Variants in FAM241A observed in about 807,000 individuals in gnomAD.
The protein encoded by FAM241A is family with sequence similarity 241 member A.
A neutral mutation model predicts 12.2 loss-of-function variants in FAM241A; 7 were observed. That is an observed-to-expected ratio of 0.58 (90% CI 0.33 to 1.08). The LOEUF (loss-of-function observed/expected upper bound fraction) is 1.08, where lower values mean the gene tolerates loss of function less well. FAM241A is among the 50% of genes least tolerant of loss of function. The pLI, the probability that FAM241A is intolerant of heterozygous loss-of-function variation, is 0.04. For synonymous variants in FAM241A, 74 were observed against 68.2 expected, an observed-to-expected ratio of 1.08 and a Z score of -0.42; for missense variants, 161 against 169.7, an observed-to-expected ratio of 0.95 and a Z score of 0.29.
At position 112,190,264 on chromosome 4, in the gene FAM241A, A is replaced by T. The variant is rs1158510321; in HGVS notation, c.*3326A>T. On this transcript the variant is annotated 3_prime_UTR_variant, in exon 2 of 2. Transcript: ENST00000309733. The stretch of plus-strand genomic sequence containing the variant: ...AGTCAAAGCCAGGTTTGGAGCAATC[A>T]AAGGCTATTCGTGTGGTTCATAGAT... The T allele has an allele frequency of 6.6e-6, 1 of 152,244 alleles. No individual in the cohort carries two copies. Among genetic ancestry groups the T allele is most frequent in the Non-Finnish European group, 1.5e-5 (1 of 68,038 alleles). 9.4% of individuals were successfully genotyped at this position (152,244 alleles called of 1,614,324 possible).
intron 1 of FAM241A, among the ~76,000 whole-genome samples, chr4:112,149,484 G>A (rs1354068257): frequency 3.3e-5 from 5 of 152,096 alleles, no homozygotes; most frequent in African/African-American, 1.2e-4. Flanking sequence ...TTTATAAATC[G>A]TGCTGTCTGA....
intron 1 of FAM241A, among the ~76,000 whole-genome samples, chr4:112,168,141 A>G (rs1329575870): frequency 2.6e-5 from 4 of 152,234 alleles, no homozygotes; most frequent in South Asian, 2.1e-4. Flanking sequence ...CCATTCACCT[A>G]AAGTTAAAAC....
At chr4:112,152,542 C>A (rs1015189596) in intron 1 of FAM241A, among the ~76,000 whole-genome samples, 5 of 152,182 alleles carry the variant, frequency 3.3e-5, no homozygotes, top group Non-Finnish European at 7.4e-5. Flanking sequence ...AGCAGCTCCT[C>A]GTATGCAACT....
rs1724082247 is a variant in FAM241A at position 112,188,082 on chromosome 4, G to A, written c.*1144G>A. On this transcript the variant is annotated 3_prime_UTR_variant, in exon 2 of 2. Transcript: ENST00000309733. ...ATTCAGCATTTTCAGGTTTTATATT[G>A]AAATACGCATTTCTTTAAATATTCT... 6.6e-6 allele frequency: 1 copy of A among 152,116 alleles called. No individual in the cohort carries two copies. Among genetic ancestry groups the A allele is most frequent in the Admixed American group, 6.5e-5 (1 of 15,276 alleles). 9.4% of individuals were successfully genotyped at this position (152,116 alleles called of 1,614,324 possible).
In FAM241A at chr4:112,180,826, G is replaced by C. The variant is rs373590481; in HGVS notation, c.154-5867G>C. On this transcript the variant is annotated intron_variant, in intron 1 of 1. Transcript: ENST00000309733. ...TCTTGAGCCTCTAGGAAGAAATTCAGTCCTGCCAACATGACTTCTAATAGA... is the reference window on the plus strand; with the variant it reads ...TCTTGAGCCTCTAGGAAGAAATTCACTCCTGCCAACATGACTTCTAATAGA... 8.5e-5 allele frequency among the ~76,000 whole-genome samples: 13 copies of C among 152,214 alleles called. No individual in the cohort carries two copies. The South Asian group carries it at 1.2e-3, about 15-fold the overall frequency.
At chr4:112,146,410 T>A (rs1487993062) in intron 1 of FAM241A, among the ~76,000 whole-genome samples, 1 of 152,238 alleles carries the variant, frequency 6.6e-6, no homozygotes, top group Non-Finnish European at 1.5e-5. Flanking sequence ...TTTTTTAAAC[T>A]CTCTGAGTTT....
chr4:112,177,090 T>A lies in FAM241A; in HGVS notation c.154-9603T>A, dbSNP rs1027342898. On this transcript the variant is annotated intron_variant, in intron 1 of 1. Transcript: ENST00000309733. ...TTTTTCACATTTGAATCTGAATTCA[T>A]TACTACTTTTAAAAGCATGAAAATG... Among the ~76,000 whole-genome samples the A allele has an allele frequency of 3.3e-5, 5 of 152,208 alleles. No individual in the cohort carries two copies. The South Asian group carries it at 1.0e-3, about 31-fold the overall frequency.
At chr4:112,179,725 T>TA (rs60844444) in intron 1 of FAM241A, among the ~76,000 whole-genome samples, 48,945 of 146,482 alleles carry the variant, frequency 0.33, 8,277 homozygotes, top group East Asian at 0.55. Context: ...ATATATATAT[T>TA]AAAAAAAAGA....
At chr4:112,173,933 CAAAAT>C (rs756210834) in intron 1 of FAM241A, among the ~76,000 whole-genome samples, 3 of 152,120 alleles carry the variant, frequency 2.0e-5, no homozygotes, top group African/African-American at 7.2e-5. Flanking sequence ...TGGAGCAAAA[CAAAAT>C]AAAAGTCTTT....
chr4:112,168,640 T>C (rs751764368), intron 1 of FAM241A, among the ~76,000 whole-genome samples: 4 of 151,004 alleles, frequency 2.6e-5, no homozygotes, highest in Non-Finnish European at 5.9e-5. Context: ...AACTTAGTTC[T>C]AAGAAGGATG....
At chr4:112,179,803 C>T (rs1041979974) in intron 1 of FAM241A, among the ~76,000 whole-genome samples, 8 of 148,934 alleles carry the variant, frequency 5.4e-5, no homozygotes, top group Middle Eastern at 3.6e-3. Context: ...TAAAATAAAT[C>T]GTTTTACCAA....
chr4:112,169,696 C>A (rs1295493763), intron 1 of FAM241A, among the ~76,000 whole-genome samples: 3 of 152,164 alleles, frequency 2.0e-5, no homozygotes, highest in African/African-American at 7.2e-5. Context: ...AAATTGGAGA[C>A]TGTAGGAAGT....
In FAM241A at chr4:112,187,302, A is replaced by G. The variant is rs538398436; in HGVS notation, c.*364A>G. The G allele has an allele frequency of 1.3e-4, 21 of 163,140 alleles. No homozygotes were observed. Among genetic ancestry groups the G allele is most frequent in the Non-Finnish European group, 2.2e-4 (17 of 75,718 alleles). 10.1% of individuals were successfully genotyped at this position (163,140 alleles called of 1,614,324 possible). A position where few individuals can be genotyped will look rare whatever the true frequency, so the allele number is the denominator to read the frequency against. On this transcript the variant is annotated 3_prime_UTR_variant, in exon 2 of 2. Transcript: ENST00000309733. The stretch of plus-strand genomic sequence containing the variant: ...AATATAGTTCTTATAAAGAGTTCCA[A>G]TAAAACATTTCAGAAGAAAAAGTAT...
At chr4:112,166,204 A>T (rs571277134) in intron 1 of FAM241A, among the ~76,000 whole-genome samples, 1 of 150,610 alleles carries the variant, frequency 6.6e-6, no homozygotes, top group East Asian at 2.0e-4. Context: ...GCCCCCCACC[A>T]CACCCGGCTA....
intron 1 of FAM241A, among the ~76,000 whole-genome samples, chr4:112,169,527 A>T (rs1346640027): frequency 6.6e-6 from 1 of 152,250 alleles, no homozygotes; most frequent in African/African-American, 2.4e-5. Context: ...GAAAGATCCA[A>T]AACAATCCTC....
intron 1 of FAM241A, among the ~76,000 whole-genome samples, chr4:112,151,228 C>G (rs1262925040): frequency 6.6e-6 from 1 of 152,040 alleles, no homozygotes; most frequent in Admixed American, 6.6e-5. Context: ...TTAAAAGAAT[C>G]TGGGACCTCT....
chr4:112,178,817 A>C (rs1163897112), intron 1 of FAM241A, among the ~76,000 whole-genome samples: 2 of 152,126 alleles, frequency 1.3e-5, no homozygotes, highest in African/African-American at 4.8e-5. Context: ...GATTTTTAAA[A>C]GGACAAAGGA....
chr4:112,171,529 A>G lies in FAM241A; in HGVS notation c.154-15164A>G, dbSNP rs544880641. 190 of 761,206 alleles carry G rather than the reference A, an allele frequency of 2.5e-4. 1 individual carries two copies. In the Middle Eastern group the frequency reaches 3.2e-3, roughly 13 times the overall value. 47.2% of individuals were successfully genotyped at this position (761,206 alleles called of 1,614,324 possible). On this transcript the variant is annotated intron_variant, in intron 1 of 1. Coordinates refer to ENST00000309733, the MANE Select transcript of FAM241A (RefSeq NM_152400.3). ...AGAAAGGCCCAAGTGATTCAGTTCT[A>G]AGTGTCATCTTTTGTTTTATTATGA...
Position 112,186,717 on chromosome 4 carries a change from A to G in FAM241A, c.178A>G (p.Thr60Ala). Residue 60 changes from threonine (T) to alanine (A), a missense_variant, in exon 2 of 2, where the codon ACT becomes GCT. Coordinates refer to ENST00000309733, the MANE Select transcript of FAM241A (RefSeq NM_152400.3). Reference protein sequence around the residue: ...EQDVEDSQNHTGEPVGDDYKK... With the variant: ...EQDVEDSQNHAGEPVGDDYKK... The stretch of plus-strand genomic sequence containing the variant: ...GGATGTTGAAGACTCACAGAACCAC[A>G]CTGGTGAGCCGGTTGGAGATGACTA... 5.6e-6 allele frequency: 9 copies of G among 1,612,760 alleles called. No homozygotes were observed. The highest frequency in any genetic ancestry group is 7.6e-6 in the Non-Finnish European group (9 of 1,179,584).
Sources: gnomAD v4.1 joint callset for allele counts (sites outside exome capture counted in the v4.1 genomes callset) on GRCh38, gnomAD v4.1.1 for gene constraint, MANE v1.5 for transcripts, NCBI Gene and HGNC (gene_info 2026-07-23, HGNC 2026-07-21) for gene names.